Variants in BTBD10 observed in about 807,000 individuals in gnomAD.
BTBD10 encodes BTB domain containing 10, also known as BTB/POZ domain-containing protein 10.
Under a neutral mutation model 53.2 loss-of-function variants are expected in BTBD10, and 21 were observed. That is an observed-to-expected ratio of 0.39 (90% confidence interval 0.28 to 0.57). BTBD10 has a LOEUF of 0.57. Ranked by LOEUF, BTBD10 falls within the 20% of genes least tolerant of loss-of-function variation. BTBD10 has a pLI of 0.53. For missense variants in BTBD10, 360 were observed against 594.7 expected, an observed-to-expected ratio of 0.61 and a Z score of 4.10; for synonymous variants, 149 against 192.7, an observed-to-expected ratio of 0.77 and a Z score of 1.88.
chr11:13,453,959 G>C (rs1950914796), intron 1 of BTBD10, among the ~76,000 whole-genome samples: 3 of 152,138 alleles, frequency 2.0e-5, no homozygotes, highest in South Asian at 2.1e-4. Context: ...AGCTGAGGCA[G>C]AAGAATCGCT....
At chr11:13,428,768 T>C (rs185987828) in intron 2 of BTBD10, among the ~76,000 whole-genome samples, 1 of 152,228 alleles carries the variant, frequency 6.6e-6, no homozygotes, top group East Asian at 1.9e-4. Context: ...TCTTCAACAA[T>C]GTACTGAGGA....
chr11:13,445,779 T>C (rs1950740236), intron 1 of BTBD10, among the ~76,000 whole-genome samples: 1 of 152,162 alleles, frequency 6.6e-6, no homozygotes, highest in African/African-American at 2.4e-5. Flanking sequence ...TTATGCCTTT[T>C]CACATGTGAG....
At chr11:13,398,202 C>T (rs1949609429) in intron 8 of BTBD10, among the ~76,000 whole-genome samples, 1 of 152,130 alleles carries the variant, frequency 6.6e-6, no homozygotes, top group Non-Finnish European at 1.5e-5. Flanking sequence ...TCACTCAGGA[C>T]TTGCTTTATG....
intron 5 of BTBD10, among the ~76,000 whole-genome samples, chr11:13,415,140 G>T (rs1721942951): frequency 7.0e-6 from 1 of 142,146 alleles, no homozygotes; most frequent in African/African-American, 2.6e-5. Flanking sequence ...CTGACACAGG[G>T]TCTCACTTTG....
chr11:13,451,479 C>T (rs1166880765), intron 1 of BTBD10, among the ~76,000 whole-genome samples: 1 of 152,120 alleles, frequency 6.6e-6, no homozygotes, highest in Non-Finnish European at 1.5e-5. Flanking sequence ...CACCAAATTA[C>T]AGGTGCAGAA....
chr11:13,450,384 C>G (rs1013719404), intron 1 of BTBD10, among the ~76,000 whole-genome samples: 3 of 152,036 alleles, frequency 2.0e-5, no homozygotes, highest in African/African-American at 4.8e-5. Flanking sequence ...TAATTTTGTA[C>G]TAACGACAAA....
In BTBD10 at chr11:13,405,651, G is replaced by T. The variant is rs1949807348; in HGVS notation, c.1006+8C>A. The T allele has an allele frequency of 8.7e-6, 14 of 1,613,002 alleles. No homozygotes were observed. Among genetic ancestry groups the T allele is most frequent in the Non-Finnish European group, 1.2e-5 (14 of 1,179,186 alleles). On this transcript the variant is annotated splice_region_variant and intron_variant, in intron 7 of 8. Coordinates refer to ENST00000278174, the MANE Select transcript of BTBD10 (RefSeq NM_032320.7). The stretch of plus-strand genomic sequence containing the variant: ...TTCAGGGGAGAGAAAACATGCCAGA[G>T]TACGTACTTTGTGAATATTCTTCTC...
chr11:13,458,951 CA>C (rs1388876077), intron 1 of BTBD10, among the ~76,000 whole-genome samples: 2 of 151,988 alleles, frequency 1.3e-5, no homozygotes, highest in African/African-American at 4.8e-5. Context: ...GTATGCCACC[CA>C]AAAACAAGAA....
At position 13,406,521 on chromosome 11, in the gene BTBD10, C is replaced by T. The variant is rs144800002; in HGVS notation, c.809-665G>A. ...ACTGCTACTGCATCAGCCTGGAGAG[C>T]GAAGTTAAAGAAGCAACCATGGCAA... On this transcript the variant is annotated intron_variant, in intron 6 of 8. Coordinates refer to ENST00000278174, the MANE Select transcript of BTBD10 (RefSeq NM_032320.7). 2.8e-3 allele frequency among the ~76,000 whole-genome samples: 417 copies of T among 149,268 alleles called. 2 individuals are homozygous for T. Among genetic ancestry groups the T allele is most frequent in the Admixed American group, 0.022 (333 of 14,898 alleles).
At chr11:13,453,380 A>C (rs1311568737) in intron 1 of BTBD10, among the ~76,000 whole-genome samples, 2 of 152,192 alleles carry the variant, frequency 1.3e-5, no homozygotes, top group African/African-American at 4.8e-5. Flanking sequence ...ATATCACATA[A>C]AATTAAAACT....
chr11:13,456,352 T>C (rs1029050493), intron 1 of BTBD10, among the ~76,000 whole-genome samples: 2 of 152,060 alleles, frequency 1.3e-5, no homozygotes, highest in Non-Finnish European at 2.9e-5. Context: ...CACTAATAAA[T>C]GGTATTGGGA....
intron 8 of BTBD10, 134 bp from the exon 9 acceptor site, chr11:13,389,275 C>T (rs1186413251): frequency 5.8e-6 from 4 of 689,358 alleles, no homozygotes; most frequent in Non-Finnish European, 9.6e-6. Flanking sequence ...AATATTCCAT[C>T]CACCTACTCA....
intron 8 of BTBD10, among the ~76,000 whole-genome samples, chr11:13,390,709 G>C (rs1949386768): frequency 6.6e-6 from 1 of 152,184 alleles, no homozygotes; most frequent in Non-Finnish European, 1.5e-5. Flanking sequence ...GCCAAAGTTA[G>C]ACCATAGTTA....
chr11:13,455,387 A>C (rs922199669), intron 1 of BTBD10, among the ~76,000 whole-genome samples: 50 of 152,248 alleles, frequency 3.3e-4, no homozygotes, highest in African/African-American at 1.2e-3. Flanking sequence ...TAATTAACAC[A>C]TTAACACTTC....
intron 6 of BTBD10, among the ~76,000 whole-genome samples, chr11:13,412,227 G>A (rs1266649855): frequency 6.6e-6 from 1 of 152,110 alleles, no homozygotes; most frequent in Non-Finnish European, 1.5e-5. Flanking sequence ...ACCGACGCAG[G>A]TGCATCATCT....
chr11:13,419,778 ATT>A (rs781179390), intron 3 of BTBD10, 33 bp from the exon 4 acceptor site: 1 of 1,475,248 alleles, frequency 6.8e-7, no homozygotes, highest in Admixed American at 2.3e-5. Flanking sequence ...AGTTATGCAA[ATT>A]TTCTTTTACA....
chr11:13,438,891 C>A (rs1565263248), intron 2 of BTBD10, among the ~76,000 whole-genome samples: 1 of 151,860 alleles, frequency 6.6e-6, no homozygotes, highest in Non-Finnish European at 1.5e-5. Context: ...GCTTTTATAA[C>A]TCTATTTAAT....
At chr11:13,457,455 G>A (rs530002629) in intron 1 of BTBD10, among the ~76,000 whole-genome samples, 90 of 152,238 alleles carry the variant, frequency 5.9e-4, no homozygotes, top group Admixed American at 2.6e-3. Context: ...AAAATACATC[G>A]TTAGGTTAAA....
At position 13,403,159 on chromosome 11, in the gene BTBD10, AT is replaced by A; in HGVS notation, c.1117+8del. On this transcript the variant is annotated splice_region_variant and intron_variant, in intron 8 of 8. Transcript: ENST00000278174. ...AGAAAACTAATAGAAAATAATGAAA[AT>A]GTCTTACCTTCTATTCCCAATCTAA... 7.1e-7 allele frequency: 1 copy of A among 1,416,232 alleles called. No homozygotes were observed. The highest frequency in any genetic ancestry group is 9.6e-7 in the Non-Finnish European group (1 of 1,042,668). 87.7% of individuals were successfully genotyped at this position (1,416,232 alleles called of 1,614,324 possible).
Sources: gnomAD v4.1 joint callset for allele counts (sites outside exome capture counted in the v4.1 genomes callset) on GRCh38, gnomAD v4.1.1 for gene constraint, MANE v1.5 for transcripts, NCBI Gene and HGNC (gene_info 2026-07-23, HGNC 2026-07-21) for gene names.